HGSNAT: variants seen among roughly 807,000 people sequenced by gnomAD.
HGSNAT encodes the protein transmembrane protein 76.
HGSNAT carries 59 observed loss-of-function variants against 85.2 expected under a neutral mutation model. The observed-to-expected ratio is 0.69, with a 90% CI of 0.56 to 0.86. The LOEUF is 0.86. Among genes scored for constraint, HGSNAT ranks in the 40% least tolerant of loss-of-function variants. The probability of loss-of-function intolerance (pLI) is 0.00; values close to 1 mark genes in which losing one functional copy is unlikely to be tolerated. For synonymous variants in HGSNAT, 321 were observed against 304.5 expected, an observed-to-expected ratio of 1.05 and a Z score of -0.56; for missense variants, 756 against 777.1, an observed-to-expected ratio of 0.97 and a Z score of 0.32.
chr8:43,183,575 G>A (rs201515310), intron 11 of HGSNAT, among the ~76,000 whole-genome samples: 31 of 149,020 alleles, frequency 2.1e-4, no homozygotes, highest in Admixed American at 6.0e-4. Flanking sequence ...GGTTCACGCC[G>A]TTCTCCTGTC....
In HGSNAT at chr8:43,177,431, A is replaced by G. The variant is rs369566677; in HGVS notation, c.852-643A>G. On this transcript the variant is annotated intron_variant, in intron 9 of 17. Transcript: ENST00000379644. ...AAATTAGCCGGGCACGGTGGCGGGC[A>G]CCTGTAGTCCCAGCTACTCAGGAGG... Among the ~76,000 whole-genome samples the G allele has an allele frequency of 4.4e-3, 662 of 151,834 alleles. 8 individuals are homozygous for G. The highest frequency in any genetic ancestry group is 0.015 in the African/African-American group (633 of 41,376).
At chr8:43,164,956 A>G (rs1803386663) in intron 5 of HGSNAT, among the ~76,000 whole-genome samples, 1 of 150,784 alleles carries the variant, frequency 6.6e-6, no homozygotes, top group Non-Finnish European at 1.5e-5. Flanking sequence ...CTCAACGCTT[A>G]TTGACCTTAT....
At position 43,172,305 on chromosome 8, in the gene HGSNAT, T is replaced by C. The variant is rs777334573; in HGVS notation, c.744-5T>C. On this transcript the variant is annotated splice_region_variant and splice_polypyrimidine_tract_variant and intron_variant, in intron 7 of 17. Transcript: ENST00000379644. ...GAAAGGCTTCTCTTTGTTGGCTTCT[T>C]CTAGGATTGCTCTTATACTCATGGT... 6.2e-7 allele frequency: 1 copy of C among 1,607,586 alleles called. No homozygotes were observed. Among genetic ancestry groups the C allele is most frequent in the Non-Finnish European group, 8.5e-7 (1 of 1,173,996 alleles).
chr8:43,194,910 T>C (rs1186986612), intron 14 of HGSNAT, among the ~76,000 whole-genome samples: 1 of 152,192 alleles, frequency 6.6e-6, no homozygotes, highest in Non-Finnish European at 1.5e-5. Context: ...TGCCTTGATC[T>C]TGGACTTCCC....
At chr8:43,170,047 T>G (rs1339469008) in intron 6 of HGSNAT, among the ~76,000 whole-genome samples, 1 of 151,844 alleles carries the variant, frequency 6.6e-6, no homozygotes, top group Non-Finnish European at 1.5e-5. Context: ...TCTCAAACTC[T>G]TGGGCTCAAG....
chr8:43,148,922 C>T (rs972166149), intron 2 of HGSNAT, among the ~76,000 whole-genome samples: 1 of 151,678 alleles, frequency 6.6e-6, no homozygotes, highest in Non-Finnish European at 1.5e-5. Flanking sequence ...TTGAGACCAG[C>T]CTGGCCAGCA....
chr8:43,198,576 C>T (rs1804812267), intron 17 of HGSNAT, among the ~76,000 whole-genome samples: 1 of 151,822 alleles, frequency 6.6e-6, no homozygotes, highest in South Asian at 2.1e-4. Context: ...CGTGAGCCAC[C>T]GTGCCCAGCC....
chr8:43,158,435 A>G, intron 2 of HGSNAT, 140 bp from the exon 3 acceptor site: 3 of 843,358 alleles, frequency 3.6e-6, no homozygotes, highest in Non-Finnish European at 5.5e-6. Flanking sequence ...GGTAAATTTA[A>G]ATTATTGAAA....
chr8:43,185,399 A>G (rs1328208503), intron 11 of HGSNAT, among the ~76,000 whole-genome samples: 2 of 152,152 alleles, frequency 1.3e-5, no homozygotes, highest in Non-Finnish European at 2.9e-5. Flanking sequence ...CTTTGAAGCA[A>G]TTGTGAATGG....
intron 9 of HGSNAT, among the ~76,000 whole-genome samples, chr8:43,177,097 T>G (rs1803835514): frequency 6.6e-6 from 1 of 152,182 alleles, no homozygotes; most frequent in Admixed American, 6.5e-5. Flanking sequence ...TGAATAACAG[T>G]GGTGAAAAGT....
At chr8:43,195,639 G>T (rs1465898182) in intron 14 of HGSNAT, among the ~76,000 whole-genome samples, 3 of 148,404 alleles carry the variant, frequency 2.0e-5, no homozygotes, top group Non-Finnish European at 4.5e-5. Context: ...GGTGGAGGAA[G>T]AGGAGGAGGA....
Position 43,140,538 on chromosome 8 carries a change from C to G in HGSNAT, c.42C>G (p.Ala14=). 3.5e-6 allele frequency: 4 copies of G among 1,142,516 alleles called. No individual in the cohort carries two copies. The highest frequency in any genetic ancestry group is 4.3e-6 in the Non-Finnish European group (4 of 933,148). 70.8% of individuals were successfully genotyped at this position (1,142,516 alleles called of 1,614,324 possible). Residue 14 remains alanine, a synonymous_variant, in exon 1 of 18, where the codon GCC becomes GCG. Transcript: ENST00000379644. ...GGGCGCTGGCCGCGCTGCTGCTGGC[C>G]GCGTCCGTGCTGAGCGCCGCGCTGC... The part of the protein sequence containing the change: ...AGRALAALLL[A]ASVLSAALLA...
chr8:43,158,974 C>T lies in HGSNAT; in HGVS notation c.423C>T (p.Asn141=), dbSNP rs772161869. 3.1e-6 allele frequency: 5 copies of T among 1,613,004 alleles called. No homozygotes were observed. Among genetic ancestry groups the T allele is most frequent in the South Asian group, 2.2e-5 (2 of 91,052 alleles). ...EFGNYSLLVK[N]IHNGVSEIAC... Reference sequence around the variant, plus strand: ...GAAACTATTCTCTCTTGGTAAAGAACATCCATAATGGAGTTAGTGAAATTG... The same window carrying T: ...GAAACTATTCTCTCTTGGTAAAGAATATCCATAATGGAGTTAGTGAAATTG... The change falls in exon 4 of 18, where the codon AAC becomes AAT. Residue 141 remains asparagine, a synonymous_variant. Transcript: ENST00000379644.
At chr8:43,172,023 T>C (rs1243026443) in intron 7 of HGSNAT, among the ~76,000 whole-genome samples, 2 of 152,208 alleles carry the variant, frequency 1.3e-5, no homozygotes, top group Non-Finnish European at 1.5e-5. Flanking sequence ...ATTGGAAATA[T>C]TTTGCAATGT....
At chr8:43,143,663 G>A (rs1287514328) in intron 1 of HGSNAT, among the ~76,000 whole-genome samples, 3 of 151,508 alleles carry the variant, frequency 2.0e-5, no homozygotes, top group Admixed American at 6.6e-5. Context: ...TCAGCCTCCC[G>A]AGTAGCTGGG....
intron 17 of HGSNAT, 72 bp downstream of exon 17, chr8:43,198,024 C>T: frequency 1.8e-6 from 2 of 1,102,976 alleles, no homozygotes; most frequent in Non-Finnish European, 2.7e-6. Context: ...TCTGGAGCAT[C>T]CTTGGTGCTG....
chr8:43,192,408 T>G lies in HGSNAT; in HGVS notation c.1355T>G (p.Leu452Arg). 2.5e-6 allele frequency: 4 copies of G among 1,613,030 alleles called. No homozygotes were observed. The highest frequency in any genetic ancestry group is 3.4e-6 in the Non-Finnish European group (4 of 1,179,432). Reference protein sequence around the residue: ...IDRLLLGDDHLYQHPSSAVLY... With the variant: ...IDRLLLGDDHRYQHPSSAVLY... ...CGCCTGCTGCTGGGAGACGATCACC[T>G]TTACCAGCACCCATCTTCTGCTGTG... The change falls in exon 13 of 18, where the codon CTT (leucine) becomes CGT (arginine). Residue 452 changes from leucine to arginine, a missense_variant. Physicochemically the swap from Leu to Arg is moderately radical, Grantham distance 102 (BLOSUM62 -2). Transcript: ENST00000379644.
chr8:43,165,217 A>G (rs927854462), intron 5 of HGSNAT, among the ~76,000 whole-genome samples: 1 of 151,894 alleles, frequency 6.6e-6, no homozygotes, highest in Non-Finnish European at 1.5e-5. Context: ...TCATACTATT[A>G]TATCTGTTAT....
At chr8:43,196,198 T>C (rs1168927846) in intron 14 of HGSNAT, 6 of 326,836 alleles carry the variant, frequency 1.8e-5, no homozygotes, top group African/African-American at 1.3e-4. Context: ...GTTGCAAGGA[T>C]TGAATAAGTT....
Sources: gnomAD v4.1 joint callset for allele counts (sites outside exome capture counted in the v4.1 genomes callset) on GRCh38, gnomAD v4.1.1 for gene constraint, MANE v1.5 for transcripts, NCBI Gene and HGNC (gene_info 2026-07-23, HGNC 2026-07-21) for gene names.